Variants in COPS5 observed in about 807,000 individuals in gnomAD.
The protein encoded by COPS5 is COP9 signalosome subunit 5.
COPS5 carries 8 observed loss-of-function variants against 44.4 expected under a neutral mutation model. That is an observed-to-expected ratio of 0.18 (90% CI 0.11 to 0.32). COPS5 has a LOEUF of 0.32. Among genes scored for constraint, COPS5 ranks in the 10% least tolerant of loss-of-function variants. COPS5 has a pLI of 1.00. For missense variants in COPS5, 159 were observed against 406.4 expected (o/e 0.39, Z 5.23); for synonymous variants, 122 against 142.8 (o/e 0.85, Z 1.04).
intron 2 of COPS5, 74 bp from the exon 3 acceptor site, chr8:67,058,285 A>G: frequency 6.9e-7 from 1 of 1,455,610 alleles, no homozygotes; most frequent in East Asian, 2.4e-5. Flanking sequence ...CAATAAGGGT[A>G]ACCAGTCTCC....
chr8:67,047,625 T>G (rs551223429), intron 6 of COPS5: 1 of 476,490 alleles, frequency 2.1e-6, no homozygotes, highest in South Asian at 4.6e-5. Flanking sequence ...TCTACATATT[T>G]GTTCTTAAAA....
chr8:67,045,934 G>A lies in COPS5; in HGVS notation c.798C>T (p.Val266=). ...GCTCTAACTTTTCAGACAAATCAAA[G>A]ACCTGACCAGTGGTATAGTCTGCAT... The part of the protein sequence containing the change: ...LTNADYTTGQ[V]FDLSEKLEQS... Residue 266 remains valine (V), a synonymous_variant, in exon 7 of 8, where the codon GTC becomes GTT. Transcript: ENST00000357849. 1 of 1,614,174 alleles carries A rather than the reference G, an allele frequency of 6.2e-7. No individual in the cohort carries two copies. The highest frequency in any genetic ancestry group is 1.3e-5 in the African/African-American group (1 of 75,048).
At chr8:67,049,945 C>G (rs981128530) in intron 6 of COPS5, among the ~76,000 whole-genome samples, 1 of 151,732 alleles carries the variant, frequency 6.6e-6, no homozygotes, top group Non-Finnish European at 1.5e-5. Context: ...TAAATAATAT[C>G]CTACCAAATA....
At chr8:67,052,360 G>A (rs937520294) in intron 5 of COPS5, among the ~76,000 whole-genome samples, 6 of 151,460 alleles carry the variant, frequency 4.0e-5, no homozygotes, top group African/African-American at 1.5e-4. Flanking sequence ...TATGTGAGGG[G>A]AAGCTAGAAA....
chr8:67,062,075 GACCCTCCGCACC>G lies in COPS5; in HGVS notation c.-91_-80del. On this transcript the variant is annotated 5_prime_UTR_variant, in exon 1 of 8. Transcript: ENST00000357849. ...CGCTAGGTTTCCGGGTGTGGGCCTT[GACCCTCCGCACC>G]ACGGGAACAAACTCTTACCTAGACT... 1 of 1,604,096 alleles carries G rather than the reference GACCCTCCGCACC, an allele frequency of 6.2e-7. No individual in the cohort carries two copies. The highest frequency in any genetic ancestry group is 1.1e-5 in the South Asian group (1 of 90,172).
intron 6 of COPS5, among the ~76,000 whole-genome samples, chr8:67,046,844 A>AC (rs1375275494): frequency 2.6e-5 from 4 of 150,958 alleles, no homozygotes; most frequent in African/African-American, 9.7e-5. Flanking sequence ...AAAAAAAAAA[A>AC]AAAACAAACA....
Position 67,059,448 on chromosome 8 carries a change from G to A in COPS5, c.144-3C>T, listed in dbSNP as rs1408182034. On this transcript the variant is annotated splice_region_variant and splice_polypyrimidine_tract_variant and intron_variant, in intron 1 of 7. Coordinates refer to ENST00000357849, the MANE Select transcript of COPS5 (RefSeq NM_006837.3). ...TGCAGTACTTAAAGTAATGGTGACT[G>A]CAAAACAAAATCACAATGTAATTAA... 1.3e-6 allele frequency: 2 copies of A among 1,595,802 alleles called. No homozygotes were observed. The highest frequency in any genetic ancestry group is 2.2e-5 in the East Asian group (1 of 44,770).
Position 67,059,453 on chromosome 8 carries a change from A to C in COPS5, c.144-8T>G. 2 of 1,576,236 alleles carry C rather than the reference A, an allele frequency of 1.3e-6. No individual in the cohort carries two copies. Among genetic ancestry groups the C allele is most frequent in the African/African-American group, 1.3e-5 (1 of 74,258 alleles). On this transcript the variant is annotated splice_region_variant and splice_polypyrimidine_tract_variant and intron_variant, in intron 1 of 7. Transcript: ENST00000357849. Reference sequence around the variant, plus strand: ...TACTTAAAGTAATGGTGACTGCAAAACAAAATCACAATGTAATTAAATTCC... The same window carrying C: ...TACTTAAAGTAATGGTGACTGCAAACCAAAATCACAATGTAATTAAATTCC...
Position 67,059,773 on chromosome 8 carries a change from G to C in COPS5, c.144-328C>G, listed in dbSNP as rs1010118390. 28 of 288,502 alleles carry C rather than the reference G, an allele frequency of 9.7e-5. 1 individual carries two copies. Among genetic ancestry groups the C allele is most frequent in the Non-Finnish European group, 6.7e-6 (1 of 149,832 alleles). The allele number at this position is 288,502 out of a possible 1,614,324, so 17.9% of individuals were successfully genotyped here. On this transcript the variant is annotated intron_variant, in intron 1 of 7. Transcript: ENST00000357849. ...ACCCAATCTTGGATTCTGACTGCTT[G>C]GATGGTTGTGCCTAACTGTTCTGAG... is the stretch of plus-strand genomic sequence containing the variant.
rs1804411027 is a variant in COPS5 at position 67,051,404 on chromosome 8, C to A, written c.660-63G>T. On this transcript the variant is annotated intron_variant, in intron 5 of 7. Transcript: ENST00000357849. ...AAAAATTCAACTACGTCACATAAAA[C>A]TTATGGCCAGATTTAAGTGAGTTAC... 6 of 854,658 alleles carry A rather than the reference C, an allele frequency of 7.0e-6. No homozygotes were observed. In the South Asian group the frequency reaches 9.2e-5, roughly 13 times the overall value. 52.9% of individuals were successfully genotyped at this position (854,658 alleles called of 1,614,324 possible).
intron 1 of COPS5, chr8:67,061,257 G>A (rs78984766): frequency 0.039 from 13,373 of 342,642 alleles, 405 homozygotes; most frequent in African/African-American, 0.096. Flanking sequence ...TAGAGACCAG[G>A]TAGTAGAGCC....
Position 67,056,532 on chromosome 8 carries a change from C to T in COPS5, c.646G>A (p.Val216Ile). The T allele has an allele frequency of 7.2e-7, 1 of 1,387,354 alleles. No homozygotes were observed. Among genetic ancestry groups the T allele is most frequent in the Non-Finnish European group, 9.9e-7 (1 of 1,008,712 alleles). The allele number at this position is 1,387,354 out of a possible 1,614,324, so 85.9% of individuals were successfully genotyped here. ...IPLNKIEDFGVHCKQYYALEV... is the reference protein window; with the variant it reads ...IPLNKIEDFGIHCKQYYALEV... The stretch of plus-strand genomic sequence containing the variant: ...TAAATTACTTACTGTTTGCAGTGTA[C>T]ACCAAAATCTTCTATTTTATTAAGT... Residue 216 changes from valine to isoleucine, a missense_variant, in exon 5 of 8, where the codon GTA becomes ATA. Physicochemically the swap from Val to Ile is conservative, Grantham distance 29. Transcript: ENST00000357849.
chr8:67,050,612 A>AGTGTGT (rs1317416454), intron 6 of COPS5, among the ~76,000 whole-genome samples: 98 of 118,282 alleles, frequency 8.3e-4, no homozygotes, highest in African/African-American at 4.3e-3. Flanking sequence ...TGTGAGTGTG[A>AGTGTGT]GAGTGTGTGT....
chr8:67,053,816 C>T (rs1315459332), intron 5 of COPS5, among the ~76,000 whole-genome samples: 1 of 151,792 alleles, frequency 6.6e-6, no homozygotes, highest in Non-Finnish European at 1.5e-5. Context: ...ACCATCCTGG[C>T]TAAGACGGTG....
rs1816693361 is a variant in COPS5 at position 67,045,795 on chromosome 8, T to C, written c.920+17A>G. ...AAAGAGTTAGGGGCAACAGGAATCT[T>C]ATAGATTTACTCTTACCTGTCTCTT... On this transcript the variant is annotated intron_variant, in intron 7 of 7. Coordinates refer to ENST00000357849, the MANE Select transcript of COPS5 (RefSeq NM_006837.3). 1 of 1,613,636 alleles carries C rather than the reference T, an allele frequency of 6.2e-7. No homozygotes were observed. The highest frequency in any genetic ancestry group is 1.3e-5 in the African/African-American group (1 of 74,898).
intron 6 of COPS5, among the ~76,000 whole-genome samples, chr8:67,048,915 C>A (rs1243415397): frequency 1.3e-5 from 2 of 152,070 alleles, no homozygotes; most frequent in Non-Finnish European, 2.9e-5. Context: ...CAACATTTTA[C>A]AACAAAGAAA....
chr8:67,046,095 A>T, intron 6 of COPS5, 135 bp from the exon 7 acceptor site: 2 of 868,102 alleles, frequency 2.3e-6, no homozygotes, highest in Non-Finnish European at 3.5e-6. Context: ...CTGAGTGAAT[A>T]GTCAGTGAGG....
intron 1 of COPS5, chr8:67,060,369 A>T: frequency 8.2e-7 from 1 of 1,218,136 alleles, no homozygotes. Flanking sequence ...CAAGCAACTT[A>T]AGCAGCCTTA....
Position 67,058,098 on chromosome 8 carries a change from T to C in COPS5, c.492A>G (p.Pro164=). ...AAATTCTTACCACCACTGCTACAAA[T>C]GGTTCCTGGAACTGCTGATTGAGCA... ...TQMLNQQFQE[P]FVAVVIDPTR... The change falls in exon 3 of 8, where the codon CCA becomes CCG. Residue 164 remains proline (P), a synonymous_variant. Transcript: ENST00000357849. The C allele has an allele frequency of 1.2e-6, 2 of 1,614,008 alleles. No homozygotes were observed. The highest frequency in any genetic ancestry group is 2.2e-5 in the South Asian group (2 of 91,078).
Sources: allele counts gnomAD v4.1 joint callset (sites outside exome capture counted in the v4.1 genomes callset), GRCh38; gene constraint gnomAD v4.1.1; transcripts MANE v1.5; gene names NCBI Gene and HGNC (gene_info 2026-07-23, HGNC 2026-07-21).